Variants in KLF12 observed in about 807,000 individuals in gnomAD.
KLF12 encodes the protein KLF transcription factor 12.
Under a neutral mutation model 37.8 loss-of-function variants are expected in KLF12, and 9 were observed. The observed-to-expected ratio is 0.24, with a 90% CI of 0.14 to 0.42. KLF12 has a LOEUF of 0.42. KLF12 is among the 10% of genes least tolerant of loss of function. The probability of loss-of-function intolerance (pLI) is 1.00; values close to 1 mark genes in which losing one functional copy is unlikely to be tolerated. For synonymous variants in KLF12, 208 were observed against 202.1 expected, an observed-to-expected ratio of 1.03 and a Z score of -0.25; for missense variants, 411 against 516.0, an observed-to-expected ratio of 0.80 and a Z score of 1.97.
intron 7 of KLF12, among the ~76,000 whole-genome samples, chr13:73,708,696 A>T (rs568410976): frequency 6.6e-6 from 1 of 152,300 alleles, no homozygotes; most frequent in African/African-American, 2.4e-5. Context: ...GGCAAAACCA[A>T]ATTCACAAAA....
chr13:73,843,225 T>C (rs1371858301), intron 4 of KLF12, among the ~76,000 whole-genome samples: 1 of 152,136 alleles, frequency 6.6e-6, no homozygotes, highest in African/African-American at 2.4e-5. Flanking sequence ...ATATTATTGA[T>C]TTTGGTATTT....
chr13:74,251,141 T>TCTTGGTAA, the KLF12 span, among the ~76,000 whole-genome samples: 1 of 152,100 alleles, frequency 6.6e-6, no homozygotes, highest in African/African-American at 2.4e-5. Flanking sequence ...TGAGTAATCT[T>TCTTGGTAA]CTTGGTAATC....
Position 73,793,204 on chromosome 13 carries a change from T to A in KLF12, c.806+19948A>T, listed in dbSNP as rs1016904356. On this transcript the variant is annotated intron_variant, in intron 5 of 7. Transcript: ENST00000377669. ...GTTCTTGCATTCACCATCTCAAGGATCTCATTTATAGGAATTTTAAACACA... is the reference window on the plus strand; with the variant it reads ...GTTCTTGCATTCACCATCTCAAGGAACTCATTTATAGGAATTTTAAACACA... 2.6e-5 allele frequency among the ~76,000 whole-genome samples: 4 copies of A among 152,152 alleles called. No individual in the cohort carries two copies. In the East Asian group the frequency reaches 7.7e-4, roughly 29 times the overall value.
At chr13:73,881,170 C>CAT (rs540939998) in intron 3 of KLF12, among the ~76,000 whole-genome samples, 353 of 151,990 alleles carry the variant, frequency 2.3e-3, no homozygotes, top group African/African-American at 7.5e-3. Flanking sequence ...TTTTATAAGT[C>CAT]ATATATATAT....
chr13:73,813,409 A>G, intron 4 of KLF12, 122 bp from the exon 5 acceptor site: 3 of 1,055,336 alleles, frequency 2.8e-6, no homozygotes, highest in Non-Finnish European at 4.2e-6. Flanking sequence ...TCTAGACATC[A>G]CAGGAATCAG....
At chr13:73,873,172 G>T (rs187779716) in intron 3 of KLF12, among the ~76,000 whole-genome samples, 34 of 151,872 alleles carry the variant, frequency 2.2e-4, no homozygotes, top group African/African-American at 7.2e-4. Flanking sequence ...TGATCTATTT[G>T]ACCAGTTTTG....
At chr13:73,931,498 T>C (rs560188163) in intron 3 of KLF12, among the ~76,000 whole-genome samples, 16 of 151,440 alleles carry the variant, frequency 1.1e-4, no homozygotes, top group African/African-American at 3.6e-4. Context: ...GAAGCTACTA[T>C]GGCAAATAAA....
chr13:74,107,047 C>G (rs1436331710), intron 1 of KLF12, among the ~76,000 whole-genome samples: 1 of 152,198 alleles, frequency 6.6e-6, no homozygotes, highest in East Asian at 1.9e-4. Flanking sequence ...ACCAGCAGAT[C>G]TGGGGTCTGA....
At chr13:74,198,501 A>T in the KLF12 span, among the ~76,000 whole-genome samples, 1 of 152,170 alleles carries the variant, frequency 6.6e-6, no homozygotes, top group Admixed American at 6.5e-5. Context: ...CCTTCCATCT[A>T]CACTGAGATA....
At chr13:73,783,142 G>A (rs185320656) in intron 5 of KLF12, among the ~76,000 whole-genome samples, 1 of 151,734 alleles carries the variant, frequency 6.6e-6, no homozygotes, top group Non-Finnish European at 1.5e-5. Context: ...ATAAATACAG[G>A]CTTAAAAAAA....
At chr13:74,209,006 C>T in the KLF12 span, among the ~76,000 whole-genome samples, 1 of 151,960 alleles carries the variant, frequency 6.6e-6, no homozygotes, top group South Asian at 2.1e-4. Context: ...AAGATCTTAT[C>T]TCAATTCAGT....
At chr13:73,868,358 T>C (rs995874038) in intron 3 of KLF12, among the ~76,000 whole-genome samples, 4 of 144,212 alleles carry the variant, frequency 2.8e-5, no homozygotes, top group South Asian at 2.3e-4. Context: ...GTACAAAGCC[T>C]ACAGACATTA....
At chr13:73,995,243 G>C (rs1171429553) in intron 1 of KLF12, among the ~76,000 whole-genome samples, 190 bp from the exon 2 acceptor site, 1 of 152,140 alleles carries the variant, frequency 6.6e-6, no homozygotes, top group Admixed American at 6.5e-5. Context: ...GCAAAATGCA[G>C]TAGAGGGAAA....
chr13:74,288,322 G>C, the KLF12 span, among the ~76,000 whole-genome samples: 2 of 152,184 alleles, frequency 1.3e-5, no homozygotes, highest in African/African-American at 4.8e-5. Flanking sequence ...GCTATTTTAT[G>C]AGTCTTTTCA....
chr13:74,029,321 T>C (rs1479336225), intron 1 of KLF12, among the ~76,000 whole-genome samples: 1 of 152,126 alleles, frequency 6.6e-6, no homozygotes, highest in Non-Finnish European at 1.5e-5. Context: ...GTTGTTGAAA[T>C]GCAGGATTTG....
At chr13:74,058,528 T>C (rs1168487715) in intron 1 of KLF12, among the ~76,000 whole-genome samples, 2 of 151,578 alleles carry the variant, frequency 1.3e-5, no homozygotes, top group Non-Finnish European at 2.9e-5. Flanking sequence ...GCTAATTTTT[T>C]TGTATTTTTA....
rs572038110 is a variant in KLF12 at position 74,000,008 on chromosome 13, A to G, written c.-31-4955T>C. On this transcript the variant is annotated intron_variant, in intron 1 of 7. Transcript: ENST00000377669. ...ATGTGACCTGGGGTAAGTTGTTTCC[A>G]TTTTACATGCTCCTTTTGCCCCCTT... Among the ~76,000 whole-genome samples the G allele has an allele frequency of 1.1e-3, 173 of 152,252 alleles. 1 individual carries two copies. The highest frequency in any genetic ancestry group is 3.9e-3 in the African/African-American group (161 of 41,562).
chr13:73,980,419 T>C (rs188200784), intron 2 of KLF12, among the ~76,000 whole-genome samples: 2 of 152,134 alleles, frequency 1.3e-5, no homozygotes, highest in Non-Finnish European at 2.9e-5. Context: ...ATCTCACTTA[T>C]GAAAATAGAT....
At chr13:74,233,214 C>T in the KLF12 span, among the ~76,000 whole-genome samples, 1 of 152,096 alleles carries the variant, frequency 6.6e-6, no homozygotes, top group Admixed American at 6.5e-5. Context: ...CACTGTATAC[C>T]TATAACTTTT....
Sources: gnomAD v4.1 joint callset for allele counts (sites outside exome capture counted in the v4.1 genomes callset) on GRCh38, gnomAD v4.1.1 for gene constraint, MANE v1.5 for transcripts, NCBI Gene and HGNC (gene_info 2026-07-23, HGNC 2026-07-21) for gene names.